SNX25: variants seen among roughly 807,000 people sequenced by gnomAD.
The protein encoded by SNX25 is sorting nexin 25.
In SNX25, 62 loss-of-function variants were observed where a neutral mutation model predicts 113.7. That is an observed-to-expected ratio of 0.55 (90% CI 0.44 to 0.67). The LOEUF (loss-of-function observed/expected upper bound fraction) is 0.67. SNX25 is among the 30% of genes least tolerant of loss of function. SNX25 has a pLI of 0.00. For synonymous variants in SNX25, 421 were observed against 436.2 expected (o/e 0.97, Z 0.43); for missense variants, 1,014 against 1,161.0 (o/e 0.87, Z 1.84).
At chr4:185,377,112 G>A in the SNX25 span, 22 of 905,754 alleles carry the variant, frequency 2.4e-5, no homozygotes, top group Middle Eastern at 2.7e-4. Flanking sequence ...TAACACTGTT[G>A]ACATTCTTGC....
intron 1 of SNX25, among the ~76,000 whole-genome samples, chr4:185,225,722 G>A (rs907203607): frequency 1.3e-5 from 2 of 152,074 alleles, no homozygotes; most frequent in Non-Finnish European, 2.9e-5. Context: ...ACTGCATTAC[G>A]TTACCCAGTT....
chr4:185,266,914 A>C, intron 4 of SNX25, 55 bp from the exon 5 acceptor site: 1 of 1,542,444 alleles, frequency 6.5e-7, no homozygotes, highest in Non-Finnish European at 8.8e-7. Context: ...ATACATAAAC[A>C]GTTCCCTTAA....
intron 12 of SNX25, among the ~76,000 whole-genome samples, chr4:185,343,310 T>C (rs1450570142): frequency 2.0e-5 from 3 of 152,214 alleles, no homozygotes; most frequent in Non-Finnish European, 2.9e-5. Flanking sequence ...ATATAAAGCA[T>C]TTATAAGAAT....
chr4:185,346,471 T>C, intron 12 of SNX25, 66 bp from the exon 13 acceptor site: 1 of 1,106,692 alleles, frequency 9.0e-7, no homozygotes, highest in East Asian at 2.5e-5. Flanking sequence ...TAATTGTTAT[T>C]CTAAATCTTT....
At chr4:185,268,434 A>G (rs748714468) in intron 5 of SNX25, among the ~76,000 whole-genome samples, 4 of 152,180 alleles carry the variant, frequency 2.6e-5, no homozygotes, top group Non-Finnish European at 5.9e-5. Context: ...AATAGTATAT[A>G]CACATTTAGT....
chr4:185,317,181 AAAG>A (rs2095081159), intron 7 of SNX25, among the ~76,000 whole-genome samples: 1 of 152,242 alleles, frequency 6.6e-6, no homozygotes, highest in South Asian at 2.1e-4. Flanking sequence ...ACATTTCTCA[AAAG>A]AAGACATTTA....
chr4:185,360,930 A>T (rs6818309), intron 16 of SNX25, among the ~76,000 whole-genome samples: 27 of 139,614 alleles, frequency 1.9e-4, no homozygotes, highest in Middle Eastern at 3.6e-3. Flanking sequence ...AAAAAAAAAT[A>T]ATATATATAT....
intron 1 of SNX25, among the ~76,000 whole-genome samples, chr4:185,241,205 C>T (rs902604937): frequency 2.6e-5 from 4 of 152,152 alleles, no homozygotes; most frequent in Non-Finnish European, 5.9e-5. Context: ...ACTGAGTGAA[C>T]GCGACTCCGT....
In SNX25 at chr4:185,287,974, C is replaced by A. The variant is rs180722304; in HGVS notation, c.1092-38C>A. 62 of 1,502,824 alleles carry A rather than the reference C, an allele frequency of 4.1e-5. No homozygotes were observed. In the African/African-American group the frequency reaches 6.9e-4, roughly 17 times the overall value. The allele number at this position is 1,502,824 out of a possible 1,614,324, so 93.1% of individuals were successfully genotyped here. On this transcript the variant is annotated intron_variant, in intron 5 of 18. Transcript: ENST00000652585. ...TTATTTCTGAAAATAGTATTTTCTT[C>A]CTCTTAAATCTTTTTCTTTTCTCTT... is the stretch of plus-strand genomic sequence containing the variant.
At chr4:185,224,394 T>A (rs919939444) in intron 1 of SNX25, among the ~76,000 whole-genome samples, 1 of 143,140 alleles carries the variant, frequency 7.0e-6, no homozygotes, top group South Asian at 2.2e-4. Context: ...AATATATAAA[T>A]ATATAAAAAT....
intron 6 of SNX25, among the ~76,000 whole-genome samples, chr4:185,300,954 G>A (rs1753594627): frequency 6.6e-6 from 1 of 151,502 alleles, no homozygotes; most frequent in African/African-American, 2.4e-5. Context: ...GGGCACTTTA[G>A]GCCTCAGAAG....
chr4:185,254,038 GGCC>G (rs924229836), intron 2 of SNX25, among the ~76,000 whole-genome samples: 2 of 152,130 alleles, frequency 1.3e-5, no homozygotes, highest in African/African-American at 4.8e-5. Flanking sequence ...TTTTTTCCAA[GGCC>G]CACCGTATGG....
At chr4:185,265,810 A>G (rs933372921) in intron 4 of SNX25, among the ~76,000 whole-genome samples, 1 of 152,090 alleles carries the variant, frequency 6.6e-6, no homozygotes, top group African/African-American at 2.4e-5. Flanking sequence ...GTTTCTTTAC[A>G]CTAGCTTGAC....
intron 7 of SNX25, among the ~76,000 whole-genome samples, chr4:185,317,046 A>T (rs1469240111): frequency 6.6e-6 from 1 of 151,460 alleles, no homozygotes; most frequent in African/African-American, 2.4e-5. Context: ...AGCCTATAGA[A>T]TGGGAGAAAG....
At chr4:185,281,247 G>A (rs1336893090) in intron 5 of SNX25, among the ~76,000 whole-genome samples, 3 of 151,926 alleles carry the variant, frequency 2.0e-5, no homozygotes, top group East Asian at 1.9e-4. Context: ...ACATGTATAC[G>A]TACCATTTCC....
intron 11 of SNX25, among the ~76,000 whole-genome samples, chr4:185,340,504 A>C (rs962887503): frequency 1.2e-4 from 19 of 152,184 alleles, no homozygotes; most frequent in African/African-American, 4.1e-4. Flanking sequence ...GGATCAGGGA[A>C]GGTCATGCCC....
chr4:185,375,146 C>T (rs1426409120), downstream of SNX25, among the ~76,000 whole-genome samples: 2 of 150,584 alleles, frequency 1.3e-5, no homozygotes, highest in Non-Finnish European at 1.5e-5. Context: ...CAGAGTCTTG[C>T]TCTGTCACCC....
At chr4:185,297,744 GAGA>G (rs1753037719) in intron 6 of SNX25, among the ~76,000 whole-genome samples, 1 of 152,162 alleles carries the variant, frequency 6.6e-6, no homozygotes, top group Admixed American at 6.6e-5. Context: ...GTGGAGTGGG[GAGA>G]AGGAGAATTC....
At chr4:185,270,192 A>G (rs1032119223) in intron 5 of SNX25, among the ~76,000 whole-genome samples, 6 of 152,178 alleles carry the variant, frequency 3.9e-5, no homozygotes, top group African/African-American at 1.4e-4. Flanking sequence ...TCTCTACAAT[A>G]AAAAACAATA....
Sources: allele counts gnomAD v4.1 joint callset (sites outside exome capture counted in the v4.1 genomes callset), GRCh38; gene constraint gnomAD v4.1.1; transcripts MANE v1.5; gene names NCBI Gene and HGNC (gene_info 2026-07-23, HGNC 2026-07-21).